The following UXS1 variants were observed in gnomAD, a reference collection of about 807,000 sequenced individuals.
The protein encoded by UXS1 is UDP-glucuronate decarboxylase 1.
Under a neutral mutation model 62.6 loss-of-function variants are expected in UXS1, and 33 were observed. That is an observed-to-expected ratio of 0.53 (90% confidence interval 0.40 to 0.70). The LOEUF (loss-of-function observed/expected upper bound fraction) is 0.70. Ranked by LOEUF, UXS1 falls within the 30% of genes least tolerant of loss-of-function variation. The pLI is 0.00. For synonymous variants in UXS1, 213 were observed against 206.8 expected (o/e 1.03, Z -0.26); for missense variants, 434 against 556.3 (o/e 0.78, Z 2.21).
chr2:106,142,441 T>G (rs1681185333), intron 6 of UXS1, among the ~76,000 whole-genome samples: 3 of 152,244 alleles, frequency 2.0e-5, no homozygotes, highest in Admixed American at 2.0e-4. Flanking sequence ...AAGTTTGTTG[T>G]TTCATCACTA....
chr2:106,144,755 G>T (rs556322773), intron 6 of UXS1, among the ~76,000 whole-genome samples: 1 of 152,108 alleles, frequency 6.6e-6, no homozygotes, highest in Non-Finnish European at 1.5e-5. Flanking sequence ...AAAGGCCAAC[G>T]GGGTTTTCCC....
intron 1 of UXS1, among the ~76,000 whole-genome samples, chr2:106,179,263 C>T (rs73951248): frequency 0.032 from 4,862 of 152,198 alleles, 116 homozygotes; most frequent in East Asian, 0.064. Flanking sequence ...CCTGAACCCC[C>T]GCTCTTGCTC....
At chr2:106,111,943 G>A (rs1678649259) in intron 10 of UXS1, among the ~76,000 whole-genome samples, 1 of 152,230 alleles carries the variant, frequency 6.6e-6, no homozygotes, top group African/African-American at 2.4e-5. Context: ...GGGAGCTGGG[G>A]GTGGGAGGGA....
intron 13 of UXS1, chr2:106,097,101 C>A (rs145093289): frequency 3.6e-6 from 2 of 551,738 alleles, no homozygotes; most frequent in Non-Finnish European, 6.9e-6. Context: ...CCTGAGTTAC[C>A]GCCCACTACA....
At chr2:106,096,060 C>A (rs11900943) in intron 14 of UXS1, among the ~76,000 whole-genome samples, 38,455 of 152,150 alleles carry the variant, frequency 0.25, 5,134 homozygotes, top group Non-Finnish European at 0.29. Flanking sequence ...GGCTCCACTG[C>A]GGGGCTGATG....
chr2:106,182,432 A>G (rs1041416355), intron 1 of UXS1, among the ~76,000 whole-genome samples: 2 of 152,262 alleles, frequency 1.3e-5, no homozygotes, highest in African/African-American at 2.4e-5. Context: ...TTTGCACTTC[A>G]TTCTCTAGCT....
rs1685125322 is a variant in UXS1, at chr2:106,194,203, G to C, written c.39C>G (p.Val13=). The C allele has an allele frequency of 6.8e-7, 1 of 1,475,364 alleles. No homozygotes were observed. Among genetic ancestry groups the C allele is most frequent in the Admixed American group, 2.3e-5 (1 of 43,226 alleles). The allele number at this position is 1,475,364 out of a possible 1,614,324, so 91.4% of individuals were successfully genotyped here. The change falls in exon 1 of 15, where the codon GTC becomes GTG. Residue 13 remains valine, a synonymous_variant. Coordinates refer to ENST00000283148, the MANE Select transcript of UXS1 (RefSeq NM_001253875.2). ...GCAGCAGCTTCATCCTCCTGCGGTTGACGGCAGACACGAGGCGCAGCAGCG... is the reference window on the plus strand; with the variant it reads ...GCAGCAGCTTCATCCTCCTGCGGTTCACGGCAGACACGAGGCGCAGCAGCG... ...SKALLRLVSA[V]NRRRMKLLLG...
intron 1 of UXS1, chr2:106,183,459 C>T (rs962836444): frequency 2.0e-5 from 3 of 152,212 alleles, no homozygotes; most frequent in Admixed American, 6.5e-5. Context: ...GAAGTTCAAA[C>T]GTTTTCTGCT....
chr2:106,184,044 T>G (rs1343817980), intron 1 of UXS1, among the ~76,000 whole-genome samples: 1 of 151,968 alleles, frequency 6.6e-6, no homozygotes, highest in Non-Finnish European at 1.5e-5. Flanking sequence ...ATACAAAAAT[T>G]AGCCGGGCGT....
intron 1 of UXS1, among the ~76,000 whole-genome samples, chr2:106,188,440 A>G (rs1684715517): frequency 6.6e-6 from 1 of 152,220 alleles, no homozygotes; most frequent in Non-Finnish European, 1.5e-5. Flanking sequence ...TCTGATTTTC[A>G]AAGACATCTA....
At chr2:106,112,895 T>G in intron 9 of UXS1, 130 bp from the exon 10 acceptor site, 1 of 1,392,894 alleles carries the variant, frequency 7.2e-7, no homozygotes. Flanking sequence ...TGGAAATGGC[T>G]TTTTTGTTCT....
intron 7 of UXS1, among the ~76,000 whole-genome samples, chr2:106,127,982 C>T (rs1680104432): frequency 6.6e-6 from 1 of 152,198 alleles, no homozygotes; most frequent in Non-Finnish European, 1.5e-5. Context: ...CCCCCAACCC[C>T]CATAGGGCAC....
At chr2:106,174,743 T>C (rs565223972) in intron 1 of UXS1, among the ~76,000 whole-genome samples, 7 of 152,314 alleles carry the variant, frequency 4.6e-5, no homozygotes, top group African/African-American at 1.4e-4. Flanking sequence ...CTACTCCACG[T>C]GGGCCTTTTA....
intron 6 of UXS1, among the ~76,000 whole-genome samples, chr2:106,142,175 TTCC>T (rs1681164210): frequency 6.6e-6 from 1 of 152,220 alleles, no homozygotes; most frequent in Admixed American, 6.5e-5. Context: ...CCCAGCCAAC[TTCC>T]TCAACAGTTT....
intron 6 of UXS1, among the ~76,000 whole-genome samples, chr2:106,142,871 AT>A (rs1211762546): frequency 2.0e-5 from 3 of 151,972 alleles, no homozygotes; most frequent in African/African-American, 7.3e-5. Flanking sequence ...CCAGTCATTT[AT>A]TGTATGACTT....
chr2:106,104,769 C>CT (rs1558678330), intron 11 of UXS1, 25 bp downstream of exon 11: 2 of 1,613,952 alleles, frequency 1.2e-6, no homozygotes. Flanking sequence ...ACTGCTAAGG[C>CT]TGGGGCAGGG....
intron 10 of UXS1, among the ~76,000 whole-genome samples, chr2:106,111,937 G>A (rs2104881752): frequency 6.6e-6 from 1 of 152,336 alleles, no homozygotes; most frequent in East Asian, 1.9e-4. Context: ...TGACCGGGGA[G>A]CTGGGGGTGG....
Position 106,158,049 on chromosome 2 carries a change from C to T in UXS1, c.291+9G>A, listed in dbSNP as rs1402325908. The T allele has an allele frequency of 1.3e-6, 2 of 1,557,944 alleles. No homozygotes were observed. On this transcript the variant is annotated intron_variant, in intron 5 of 14. Transcript: ENST00000283148. ...ATATTACAAATACTATTCAGGTGTG[C>T]AAACTTACCAAAATTCTTTTCCGAT...
intron 14 of UXS1, among the ~76,000 whole-genome samples, chr2:106,095,028 T>C (rs1407862972): frequency 6.6e-6 from 1 of 152,214 alleles, no homozygotes; most frequent in Non-Finnish European, 1.5e-5. Context: ...ATCATATCCC[T>C]CAAAAATTTA....
Sources: allele counts gnomAD v4.1 joint callset (sites outside exome capture counted in the v4.1 genomes callset), GRCh38; gene constraint gnomAD v4.1.1; transcripts MANE v1.5; gene names NCBI Gene and HGNC (gene_info 2026-07-23, HGNC 2026-07-21).